The following F8 variants were observed in gnomAD, a reference collection of about 807,000 sequenced individuals.
The protein encoded by F8 is coagulation factor VIII.
In F8, 12 loss-of-function variants were observed where a neutral mutation model predicts 140.6. The ratio of observed to expected loss-of-function variants is 0.09; its 90% CI spans 0.05 to 0.14. The LOEUF (loss-of-function observed/expected upper bound fraction) is 0.14, where lower values mean the gene tolerates loss of function less well. Ranked by LOEUF, F8 falls within the 10% of genes least tolerant of loss-of-function variation. The probability of loss-of-function intolerance (pLI) is 1.00; values close to 1 mark genes in which losing one functional copy is unlikely to be tolerated. For missense variants in F8, 1,354 were observed against 1,720.7 expected (o/e 0.79, Z 3.77); for synonymous variants, 585 against 614.6 (o/e 0.95, Z 0.71).
At chrX:154,906,071 C>T (rs1237981285) in intron 15 of F8, among the ~76,000 whole-genome samples, 1 of 111,507 alleles carries the variant, frequency 9.0e-6, no homozygotes, top group African/African-American at 3.2e-5. Flanking sequence ...AAAAAAGAAA[C>T]TGTCTAAAAG....
At chrX:154,857,556 C>A (rs782088356) in intron 25 of F8, among the ~76,000 whole-genome samples, 2 of 111,761 alleles carry the variant, frequency 1.8e-5, no homozygotes, top group African/African-American at 6.5e-5. Flanking sequence ...ATCTGAGATA[C>A]CCATGAAGGA....
intron 2 of F8, among the ~76,000 whole-genome samples, chrX:154,998,449 G>C (rs2073629500): frequency 8.9e-6 from 1 of 112,804 alleles, no homozygotes; most frequent in Admixed American, 9.3e-5. Flanking sequence ...GGAAGGAGCA[G>C]TGATAATGTG....
chrX:154,873,071 T>A (rs782447613), intron 22 of F8, among the ~76,000 whole-genome samples: 2 of 111,618 alleles, frequency 1.8e-5, no homozygotes, highest in East Asian at 5.5e-4. Flanking sequence ...TATTCCTAGA[T>A]TGGAAGAATT....
At chrX:155,020,839 CTT>C (rs1557287458) in intron 1 of F8, among the ~76,000 whole-genome samples, 1 of 112,269 alleles carries the variant, frequency 8.9e-6, no homozygotes, top group Non-Finnish European at 1.9e-5. Flanking sequence ...CAGGATAAAA[CTT>C]ATCGCTATGT....
intron 14 of F8, chrX:154,919,505 C>T: frequency 2.3e-6 from 1 of 438,941 alleles, no homozygotes; most frequent in Non-Finnish European, 3.4e-6. Flanking sequence ...CTGGCTTTCC[C>T]TGGTCCTCAG....
chrX:155,007,835 G>A (rs1557286182), intron 1 of F8, among the ~76,000 whole-genome samples: 1 of 110,396 alleles, frequency 9.1e-6, no homozygotes, highest in Non-Finnish European at 1.9e-5. Context: ...AGTCCCTGGT[G>A]CCAAAAAGGT....
chrX:154,987,141 A>G, intron 5 of F8, 96 bp downstream of exon 5: 1 of 714,014 alleles, frequency 1.4e-6, no homozygotes. Flanking sequence ...ATTCCTGAAC[A>G]GTAATGTAAT....
At chrX:154,973,964 CAT>C (rs1491499584) in intron 6 of F8, among the ~76,000 whole-genome samples, 2 of 104,786 alleles carry the variant, frequency 1.9e-5, no homozygotes, top group Non-Finnish European at 3.9e-5. Context: ...GTCTGGCTAG[CAT>C]GTGTGTGTGT....
chrX:154,914,467 G>T (rs1256831652), intron 14 of F8, among the ~76,000 whole-genome samples: 1 of 112,179 alleles, frequency 8.9e-6, no homozygotes, highest in African/African-American at 3.2e-5. Flanking sequence ...AAACTTTTAT[G>T]CTCTGTCACT....
chrX:154,978,522 T>G (rs1557283218), intron 6 of F8, among the ~76,000 whole-genome samples: 1 of 112,117 alleles, frequency 8.9e-6, no homozygotes, highest in East Asian at 2.8e-4. Context: ...AAGTTATTAT[T>G]AACTATAGTC....
At chrX:154,840,899 G>A (rs1237816761) in intron 25 of F8, among the ~76,000 whole-genome samples, 13 of 112,126 alleles carry the variant, frequency 1.2e-4, no homozygotes, top group Non-Finnish European at 2.3e-4. Context: ...CATGCCTAAA[G>A]TTGATGAGGT....
At chrX:154,905,191 C>T (rs782402132) in intron 15 of F8, among the ~76,000 whole-genome samples, 168 bp from the exon 16 acceptor site, 4 of 111,367 alleles carry the variant, frequency 3.6e-5, no homozygotes, top group Non-Finnish European at 5.7e-5. Context: ...GAACTCAAAC[C>T]TAATCCTGAG....
intron 22 of F8, among the ~76,000 whole-genome samples, chrX:154,892,973 A>C (rs2072954558): frequency 9.0e-6 from 1 of 111,727 alleles, no homozygotes; most frequent in East Asian, 2.8e-4. Flanking sequence ...TTTACAATCT[A>C]TTCTCTCTGA....
intron 11 of F8, among the ~76,000 whole-genome samples, chrX:154,956,391 G>A (rs1207443320): frequency 8.9e-6 from 1 of 112,267 alleles, no homozygotes; most frequent in African/African-American, 3.2e-5. Flanking sequence ...ATTGGTTGGG[G>A]AAGTGATAAA....
At chrX:154,867,683 T>A (rs1172784114) in intron 22 of F8, among the ~76,000 whole-genome samples, 1 of 59,244 alleles carries the variant, frequency 1.7e-5, no homozygotes, top group Admixed American at 2.5e-4. Flanking sequence ...AGAGCAAGAC[T>A]CTGTCTCAAA....
intron 25 of F8, among the ~76,000 whole-genome samples, chrX:154,839,482 C>T (rs1473588601): frequency 9.2e-6 from 1 of 109,115 alleles, no homozygotes; most frequent in African/African-American, 3.3e-5. Flanking sequence ...CCTGCCTCAG[C>T]CTCCCAAGTA....
chrX:154,919,679 A>G, intron 14 of F8: 1 of 464,424 alleles, frequency 2.2e-6, no homozygotes, highest in Non-Finnish European at 3.6e-6. Context: ...TCTCACTTTC[A>G]TGTAACAGCT....
chrX:154,949,798 C>T (rs782552469), intron 12 of F8, among the ~76,000 whole-genome samples: 2 of 107,969 alleles, frequency 1.9e-5, no homozygotes, highest in South Asian at 4.2e-4. Flanking sequence ...AATGGAGTCT[C>T]GGTCTGTCTG....
chrX:154,899,200 A>G (rs1227160452), intron 21 of F8, among the ~76,000 whole-genome samples: 5 of 112,265 alleles, frequency 4.5e-5, no homozygotes, highest in Admixed American at 3.8e-4. Context: ...ATTAATAGAC[A>G]TGCTATTTGC....
Sources: allele counts gnomAD v4.1 joint callset (sites outside exome capture counted in the v4.1 genomes callset), GRCh38; gene constraint gnomAD v4.1.1; transcripts MANE v1.5; gene names NCBI Gene and HGNC (gene_info 2026-07-23, HGNC 2026-07-21).